Variants in CFAP299 observed in about 807,000 individuals in gnomAD.
The protein encoded by CFAP299 is cilia- and flagella-associated protein 299.
CFAP299 carries 21 observed loss-of-function variants against 27.0 expected under a neutral mutation model. The observed-to-expected ratio is 0.78, with a 90% confidence interval of 0.55 to 1.12. CFAP299 has a LOEUF of 1.12. Ranked by LOEUF, CFAP299 falls within the 50% of genes most tolerant of loss-of-function variation. The pLI is 0.00. For missense variants in CFAP299, 310 were observed against 276.6 expected, an observed-to-expected ratio of 1.12 and a Z score of -0.86; for synonymous variants, 104 against 98.1, an observed-to-expected ratio of 1.06 and a Z score of -0.36.
chr4:80,936,183 T>C (rs1269932149), intron 4 of CFAP299, among the ~76,000 whole-genome samples: 1 of 152,116 alleles, frequency 6.6e-6, no homozygotes, highest in Non-Finnish European at 1.5e-5. Flanking sequence ...GCATATACAC[T>C]GTTGGTGGGA....
intron 4 of CFAP299, among the ~76,000 whole-genome samples, chr4:80,891,419 G>A (rs1171544933): frequency 6.6e-6 from 1 of 151,278 alleles, no homozygotes; most frequent in Non-Finnish European, 1.5e-5. Flanking sequence ...TATACACCAT[G>A]GAATACTATG....
At chr4:80,734,777 G>C (rs570497494) in intron 3 of CFAP299, among the ~76,000 whole-genome samples, 24 of 152,090 alleles carry the variant, frequency 1.6e-4, no homozygotes, top group Non-Finnish European at 3.2e-4. Context: ...GTTCACTGTA[G>C]TGTGTGGATT....
chr4:80,767,794 A>G (rs1016140315), intron 3 of CFAP299, among the ~76,000 whole-genome samples: 3 of 151,956 alleles, frequency 2.0e-5, no homozygotes, highest in African/African-American at 4.8e-5. Flanking sequence ...CACCTTACTT[A>G]TTTATTTATT....
chr4:80,792,571 AT>A (rs1321887211), intron 3 of CFAP299, among the ~76,000 whole-genome samples: 2 of 152,100 alleles, frequency 1.3e-5, no homozygotes, highest in Non-Finnish European at 2.9e-5. Context: ...TTTAGATGTT[AT>A]TTTTTATAGT....
intron 4 of CFAP299, among the ~76,000 whole-genome samples, chr4:80,884,010 CT>C (rs896576610): frequency 6.6e-6 from 1 of 152,168 alleles, no homozygotes; most frequent in African/African-American, 2.4e-5. Flanking sequence ...GATCCTCTCC[CT>C]TTTCCCACCC....
At chr4:80,909,805 G>T (rs529417567) in intron 4 of CFAP299, among the ~76,000 whole-genome samples, 2 of 152,142 alleles carry the variant, frequency 1.3e-5, no homozygotes, top group Non-Finnish European at 2.9e-5. Flanking sequence ...ACAGAAAGCA[G>T]CATGCTTTAG....
the CFAP299 span, among the ~76,000 whole-genome samples, chr4:80,326,837 A>G: frequency 2.0e-5 from 3 of 152,230 alleles, no homozygotes; most frequent in African/African-American, 7.2e-5. Flanking sequence ...GTGTATCTAT[A>G]ATTACAAAAT....
intron 2 of CFAP299, among the ~76,000 whole-genome samples, chr4:80,380,108 T>C (rs1468754786): frequency 6.6e-6 from 1 of 152,188 alleles, no homozygotes; most frequent in African/African-American, 2.4e-5. Flanking sequence ...GCTTCATGAT[T>C]TTTTATTTCT....
At chr4:80,729,693 G>A (rs568611858) in intron 3 of CFAP299, among the ~76,000 whole-genome samples, 2 of 148,730 alleles carry the variant, frequency 1.3e-5, no homozygotes, top group Non-Finnish European at 3.0e-5. Flanking sequence ...TCCACCTTCC[G>A]GGTTCATGCC....
intron 3 of CFAP299, among the ~76,000 whole-genome samples, chr4:80,795,519 A>G (rs527345358): frequency 1.3e-5 from 2 of 152,192 alleles, no homozygotes; most frequent in African/African-American, 4.8e-5. Flanking sequence ...TCCTCTGTCA[A>G]CTGATCATAG....
At chr4:80,794,440 A>T (rs1296774044) in intron 3 of CFAP299, among the ~76,000 whole-genome samples, 2 of 152,180 alleles carry the variant, frequency 1.3e-5, no homozygotes, top group Non-Finnish European at 2.9e-5. Context: ...GAACAGTATC[A>T]TGTATTGGAC....
intron 1 of CFAP299, among the ~76,000 whole-genome samples, chr4:80,359,352 T>G (rs1723431412): frequency 6.6e-6 from 1 of 152,080 alleles, no homozygotes; most frequent in Non-Finnish European, 1.5e-5. Context: ...TTTTCTGAAT[T>G]TTAAAATTGT....
intron 2 of CFAP299, among the ~76,000 whole-genome samples, chr4:80,393,609 A>G (rs1206492838): frequency 1.3e-5 from 2 of 152,184 alleles, no homozygotes; most frequent in African/African-American, 2.4e-5. Context: ...TGCCTGCAGT[A>G]TTCAGTACAG....
At chr4:80,412,411 C>T (rs957801503) in intron 2 of CFAP299, among the ~76,000 whole-genome samples, 6 of 152,118 alleles carry the variant, frequency 3.9e-5, no homozygotes, top group Admixed American at 2.6e-4. Context: ...GAAAAAGCCC[C>T]TTTAATTAAG....
At chr4:80,891,041 C>A (rs1734246781) in intron 4 of CFAP299, among the ~76,000 whole-genome samples, 1 of 151,782 alleles carries the variant, frequency 6.6e-6, no homozygotes, top group African/African-American at 2.4e-5. Flanking sequence ...GTTTCTTTTG[C>A]TGTGCAGAAG....
At chr4:80,576,196 AAATAT>A (rs200953528) in intron 2 of CFAP299, among the ~76,000 whole-genome samples, 73,868 of 132,132 alleles carry the variant, frequency 0.56, 21,027 homozygotes, top group Admixed American at 0.66. Flanking sequence ...ATAAAAAAAA[AAATAT>A]ATATATATAT....
chr4:80,494,407 A>G (rs1197706914), intron 2 of CFAP299, among the ~76,000 whole-genome samples: 2 of 152,222 alleles, frequency 1.3e-5, no homozygotes, highest in Non-Finnish European at 2.9e-5. Flanking sequence ...TTCTTTAAAC[A>G]ACATATATCT....
intron 2 of CFAP299, among the ~76,000 whole-genome samples, chr4:80,479,421 A>G (rs1730444483): frequency 6.6e-6 from 1 of 152,012 alleles, no homozygotes; most frequent in South Asian, 2.1e-4. Context: ...CCAATAGTCA[A>G]ATAGCTTTGG....
intron 3 of CFAP299, among the ~76,000 whole-genome samples, chr4:80,607,120 A>AAATTTTCTTACC (rs1560652665): frequency 1.3e-5 from 2 of 152,194 alleles, no homozygotes; most frequent in African/African-American, 4.8e-5. Flanking sequence ...GATTATGATC[A>AAATTTTCTTACC]AATTTTCTTA....
Sources: allele counts gnomAD v4.1 joint callset (sites outside exome capture counted in the v4.1 genomes callset), GRCh38; gene constraint gnomAD v4.1.1; transcripts MANE v1.5; gene names NCBI Gene and HGNC (gene_info 2026-07-23, HGNC 2026-07-21).